Variants in ANGPT4 observed in about 807,000 individuals in gnomAD.
ANGPT4 encodes the protein angiopoietin 4.
A neutral mutation model predicts 53.0 loss-of-function variants in ANGPT4; 50 were observed. The ratio of observed to expected loss-of-function variants is 0.94; its 90% CI spans 0.75 to 1.20. ANGPT4 has a LOEUF of 1.20. ANGPT4 is among the 50% of genes most tolerant of loss of function. ANGPT4 has a pLI of 0.00. For synonymous variants in ANGPT4, 251 were observed against 259.7 expected, an observed-to-expected ratio of 0.97 and a Z score of 0.32; for missense variants, 648 against 637.1, an observed-to-expected ratio of 1.02 and a Z score of -0.18.
At position 885,169 on chromosome 20, in the gene ANGPT4, G is replaced by A; in HGVS notation, c.744C>T (p.Ser248=). ...TGTGCTGCTGGTCCTGCAGGAGGCT[G>A]GAGTTGTGCCTGACACCGCGCAGGC... ...ERGLRGVRHN[S]SLLQDQQHSL... is the part of the protein sequence containing the mutation. The change falls in exon 4 of 9, where the codon TCC becomes TCT. Residue 248 remains serine, a synonymous_variant. Transcript: ENST00000381922. 1.2e-6 allele frequency: 2 copies of A among 1,608,878 alleles called. No homozygotes were observed. The highest frequency in any genetic ancestry group is 1.7e-6 in the Non-Finnish European group (2 of 1,177,918).
intron 5 of ANGPT4, 135 bp downstream of exon 5, chr20:881,036 G>A: frequency 1.5e-6 from 1 of 688,544 alleles, no homozygotes; most frequent in Non-Finnish European, 2.3e-6. Context: ...CTGCTGGGAA[G>A]TCAAAGCCAC....
chr20:902,728 G>A (rs6133574), intron 1 of ANGPT4, among the ~76,000 whole-genome samples: 23,521 of 151,886 alleles, frequency 0.15, 2,035 homozygotes, highest in East Asian at 0.36. Context: ...TTTTTTCTGA[G>A]AGAGGGTCAC....
chr20:896,215 A>T (rs1371414271), intron 1 of ANGPT4, among the ~76,000 whole-genome samples: 2 of 152,248 alleles, frequency 1.3e-5, no homozygotes, highest in African/African-American at 4.8e-5. Flanking sequence ...CTATGTGCTC[A>T]TCCTGTATTA....
chr20:892,753 G>C (rs181689339), intron 1 of ANGPT4, among the ~76,000 whole-genome samples: 1 of 152,082 alleles, frequency 6.6e-6, no homozygotes, highest in Non-Finnish European at 1.5e-5. Flanking sequence ...GCTCACTGCA[G>C]CCTGAAACTA....
chr20:876,191 T>A (rs1424988498), intron 7 of ANGPT4, among the ~76,000 whole-genome samples: 1 of 139,942 alleles, frequency 7.1e-6, no homozygotes, highest in Admixed American at 7.1e-5. Context: ...TGGAGGCAAG[T>A]GGGTGGCAGA....
At chr20:876,872 C>T (rs543215463) in intron 7 of ANGPT4, among the ~76,000 whole-genome samples, 74 of 149,710 alleles carry the variant, frequency 4.9e-4, no homozygotes, top group Non-Finnish European at 7.5e-4. Context: ...CATAGGGAAA[C>T]CCTGTTTCTA....
At chr20:895,086 G>A (rs1454468936) in intron 1 of ANGPT4, among the ~76,000 whole-genome samples, 5 of 152,202 alleles carry the variant, frequency 3.3e-5, no homozygotes, top group Non-Finnish European at 4.4e-5. Context: ...ATATTGGCCT[G>A]GGTGGTGGGA....
chr20:891,426 G>T (rs961187364), intron 1 of ANGPT4, among the ~76,000 whole-genome samples: 1 of 152,204 alleles, frequency 6.6e-6, no homozygotes, highest in Admixed American at 6.5e-5. Flanking sequence ...CAGGAGAGCT[G>T]GTCTGGCATG....
intron 7 of ANGPT4, among the ~76,000 whole-genome samples, chr20:875,110 T>A (rs79022802): frequency 0.018 from 2,670 of 152,214 alleles, 69 homozygotes; most frequent in African/African-American, 0.058. Flanking sequence ...CCTTTAATCC[T>A]CACAACACCC....
In ANGPT4 at chr20:888,451, A is replaced by C. The variant is rs779984283; in HGVS notation, c.466-12T>G. The stretch of plus-strand genomic sequence containing the variant: ...GTCTGGTTCAGGAGCTGCCCCAGCA[A>C]GCAGAAGCAGGTAGGGGGCTGCGTA... On this transcript the variant is annotated splice_polypyrimidine_tract_variant and intron_variant, in intron 2 of 8. Transcript: ENST00000381922. The C allele has an allele frequency of 3.1e-6, 5 of 1,608,688 alleles. No individual in the cohort carries two copies. The Admixed American group carries it at 8.4e-5, about 27-fold the overall frequency.
chr20:916,209 G>A lies in ANGPT4; in HGVS notation c.6C>T (p.Leu2=). The change falls in exon 1 of 9, where the codon CTC becomes CTT. Residue 2 remains leucine, a synonymous_variant. Transcript: ENST00000381922. M[L]SQLAMLQGSL... is the part of the protein sequence containing the mutation. Reference sequence around the variant, plus strand: ...TGCCCTGCAGCATGGCTAGCTGGGAGAGCATCTGAAGATGTGTCAATGGCG... The same window carrying A: ...TGCCCTGCAGCATGGCTAGCTGGGAAAGCATCTGAAGATGTGTCAATGGCG... 6.2e-7 allele frequency: 1 copy of A among 1,612,266 alleles called. No individual in the cohort carries two copies. Among genetic ancestry groups the A allele is most frequent in the Non-Finnish European group, 8.5e-7 (1 of 1,178,754 alleles).
In ANGPT4 at chr20:885,061, G is replaced by C; in HGVS notation, c.835+17C>G. ...TGCCCGTCTTTAGCCACACTGGGGC[G>C]CACACCGCTCACTCACCCGGGGCCG... is the stretch of plus-strand genomic sequence containing the variant. On this transcript the variant is annotated intron_variant, in intron 4 of 8. Transcript: ENST00000381922. The C allele has an allele frequency of 6.2e-7, 1 of 1,613,252 alleles. No homozygotes were observed. The highest frequency in any genetic ancestry group is 2.2e-5 in the East Asian group (1 of 44,874).
At chr20:907,176 T>C (rs1982506173) in intron 1 of ANGPT4, among the ~76,000 whole-genome samples, 1 of 152,208 alleles carries the variant, frequency 6.6e-6, no homozygotes, top group Non-Finnish European at 1.5e-5. Context: ...GTCTGTCTGG[T>C]TCATGAGGCC....
In ANGPT4 at chr20:870,716, GA is replaced by G. The variant is rs891558388; in HGVS notation, c.*2243del. 3 of 152,104 alleles carry G rather than the reference GA, an allele frequency of 2.0e-5. No individual in the cohort carries two copies. Among genetic ancestry groups the G allele is most frequent in the African/African-American group, 7.2e-5 (3 of 41,412 alleles). The allele number at this position is 152,104 out of a possible 1,614,324, so 9.4% of individuals were successfully genotyped here. A position where few individuals can be genotyped will look rare whatever the true frequency, so the allele number is the denominator to read the frequency against. On this transcript the variant is annotated 3_prime_UTR_variant, in exon 9 of 9. Coordinates refer to ENST00000381922, the MANE Select transcript of ANGPT4 (RefSeq NM_015985.4). ...TGCAGTCAGCCTAGAAACTACAATAGAAAAATAAATGATGTGGATACAAAAA... is the reference window on the plus strand; with the variant it reads ...TGCAGTCAGCCTAGAAACTACAATAGAAAATAAATGATGTGGATACAAAAA...
At chr20:887,654 T>TG (rs1981666742) in intron 3 of ANGPT4, among the ~76,000 whole-genome samples, 1 of 103,588 alleles carries the variant, frequency 9.7e-6, no homozygotes, top group Non-Finnish European at 2.1e-5. Context: ...TTTTTTTTTT[T>TG]GTAATTTAAA....
At chr20:882,856 G>C (rs572115008) in intron 4 of ANGPT4, among the ~76,000 whole-genome samples, 2 of 152,310 alleles carry the variant, frequency 1.3e-5, no homozygotes, top group African/African-American at 4.8e-5. Flanking sequence ...ATGTATTGTA[G>C]TGTTTCCAAG....
intron 1 of ANGPT4, among the ~76,000 whole-genome samples, chr20:901,642 G>A (rs1982291954): frequency 6.6e-6 from 1 of 152,346 alleles, no homozygotes; most frequent in South Asian, 2.1e-4. Flanking sequence ...GCTGGGCATG[G>A]TGGCTCACAC....
rs1291476465 is a variant in ANGPT4 at position 911,446 on chromosome 20, G to A, written c.309+4460C>T. 6.6e-6 allele frequency among the ~76,000 whole-genome samples: 1 copy of A among 152,242 alleles called. No individual in the cohort carries two copies. Among genetic ancestry groups the A allele is most frequent in the Non-Finnish European group, 1.5e-5 (1 of 68,048 alleles). Reference sequence around the variant, plus strand: ...TTGGCAGATGTGCCCTGGGTCTTCAGTGTGGACACTCGGGGAGGTAGAGGT... The same window carrying A: ...TTGGCAGATGTGCCCTGGGTCTTCAATGTGGACACTCGGGGAGGTAGAGGT... On this transcript the variant is annotated intron_variant, in intron 1 of 8. Transcript: ENST00000381922. This position sits in a 1 kb window ranked among gnomAD's most constrained non-coding sequence, Gnocchi z 4.9.
At position 908,666 on chromosome 20, in the gene ANGPT4, T is replaced by C. The variant is rs1238847150; in HGVS notation, c.309+7240A>G. Among the ~76,000 whole-genome samples the C allele has an allele frequency of 1.3e-5, 2 of 152,192 alleles. No individual in the cohort carries two copies. The highest frequency in any genetic ancestry group is 3.9e-4 in the East Asian group (2 of 5,192). ...GTCACTTGCATGGCGCCTGGCGCAT[T>C]GTAAGCCCTCAATAAACAGTGGTGG... On this transcript the variant is annotated intron_variant, in intron 1 of 8. Transcript: ENST00000381922. The surrounding 1 kb of genome is among the most constrained non-coding windows in gnomAD (Gnocchi z 4.9).
Sources: gnomAD v4.1 joint callset for allele counts (sites outside exome capture counted in the v4.1 genomes callset) on GRCh38, gnomAD v4.1.1 for gene constraint, Gnocchi (gnomAD v3.1) non-coding constraint, MANE v1.5 for transcripts, NCBI Gene and HGNC (gene_info 2026-07-23, HGNC 2026-07-21) for gene names.